The following PDZD2 variants were observed in gnomAD, a reference collection of about 807,000 sequenced individuals.
PDZD2 encodes PDZ domain-containing protein 2.
PDZD2 carries 90 observed loss-of-function variants against 220.7 expected under a neutral mutation model. That is an observed-to-expected ratio of 0.41 (90% CI 0.34 to 0.49). The LOEUF (loss-of-function observed/expected upper bound fraction) is 0.49, where lower values mean the gene tolerates loss of function less well. PDZD2 is among the 20% of genes least tolerant of loss of function. The probability of loss-of-function intolerance (pLI) is 0.28; values close to 1 mark genes in which losing one functional copy is unlikely to be tolerated. For missense variants in PDZD2, 3,174 were observed against 3,608.5 expected, an observed-to-expected ratio of 0.88 and a Z score of 3.08; for synonymous variants, 1,375 against 1,450.5, an observed-to-expected ratio of 0.95 and a Z score of 1.18.
At chr5:31,951,450 C>T (rs1332246089) in intron 2 of PDZD2, among the ~76,000 whole-genome samples, 1 of 152,160 alleles carries the variant, frequency 6.6e-6, no homozygotes, top group Non-Finnish European at 1.5e-5. Context: ...AAGGCTCGAC[C>T]TCTTAATACT....
chr5:31,799,016 C>T lies in PDZD2; in HGVS notation c.-233C>T, dbSNP rs1274039321. ...TTGTTAGACACTTCCTTCCTTCCCT[C>T]ATTGAGCACTCCAGTGCCATTGTTC... On this transcript the variant is annotated 5_prime_UTR_variant, in exon 2 of 25. Coordinates refer to ENST00000438447, the MANE Select transcript of PDZD2 (RefSeq NM_178140.4). 8 of 527,816 alleles carry T rather than the reference C, an allele frequency of 1.5e-5. No homozygotes were observed. Among genetic ancestry groups the T allele is most frequent in the Non-Finnish European group, 2.4e-5 (7 of 297,570 alleles). 32.7% of individuals were successfully genotyped at this position (527,816 alleles called of 1,614,324 possible).
At chr5:31,718,038 G>A (rs1444351471) in intron 1 of PDZD2, among the ~76,000 whole-genome samples, 2 of 152,164 alleles carry the variant, frequency 1.3e-5, no homozygotes, top group Non-Finnish European at 2.9e-5. Flanking sequence ...TGACAGTCCT[G>A]TCAGCTCCTC....
chr5:31,725,262 C>T (rs866338548), intron 1 of PDZD2, among the ~76,000 whole-genome samples: 2 of 148,282 alleles, frequency 1.3e-5, no homozygotes, highest in Non-Finnish European at 3.0e-5. Flanking sequence ...CACTTGAACC[C>T]GAGAGGCGGA....
At chr5:31,806,477 C>T (rs1754719705) in intron 2 of PDZD2, among the ~76,000 whole-genome samples, 1 of 152,118 alleles carries the variant, frequency 6.6e-6, no homozygotes, top group African/African-American at 2.4e-5. Context: ...CCTAGGAAGC[C>T]TTCATTCTTT....
intron 6 of PDZD2, among the ~76,000 whole-genome samples, chr5:32,023,563 A>G (rs557938808): frequency 3.3e-4 from 50 of 152,396 alleles, no homozygotes; most frequent in African/African-American, 1.2e-3. Flanking sequence ...TCATTTAAAA[A>G]TGAAATTTAA....
intron 3 of PDZD2, among the ~76,000 whole-genome samples, chr5:31,990,043 C>T (rs1463360038): frequency 1.3e-5 from 2 of 152,176 alleles, no homozygotes; most frequent in Admixed American, 6.5e-5. Context: ...CCAGCTCTGA[C>T]ATTATGCTCA....
At chr5:31,864,422 C>T (rs1205071805) in intron 2 of PDZD2, among the ~76,000 whole-genome samples, 1 of 152,194 alleles carries the variant, frequency 6.6e-6, no homozygotes, top group African/African-American at 2.4e-5. Context: ...TGGACTCTGA[C>T]TGATAGTCTA....
At chr5:32,100,787 TG>T in intron 23 of PDZD2, 3 of 828,672 alleles carry the variant, frequency 3.6e-6, no homozygotes, top group South Asian at 1.4e-5. Context: ...ACAGCCGGTG[TG>T]GGGGGCTTAA....
chr5:31,670,090 CT>C (rs1746157335), intron 1 of PDZD2, among the ~76,000 whole-genome samples: 1 of 152,180 alleles, frequency 6.6e-6, no homozygotes, highest in South Asian at 2.1e-4. Flanking sequence ...AGAGCGGGCA[CT>C]CCTAACTGCT....
intron 1 of PDZD2, among the ~76,000 whole-genome samples, chr5:31,669,233 C>T (rs945206039): frequency 1.3e-5 from 2 of 152,094 alleles, no homozygotes; most frequent in African/African-American, 4.8e-5. Flanking sequence ...AAGACCACCT[C>T]TACAAAAAAA....
chr5:31,781,761 A>C (rs1753074072), intron 1 of PDZD2, among the ~76,000 whole-genome samples: 2 of 152,150 alleles, frequency 1.3e-5, no homozygotes, highest in Non-Finnish European at 2.9e-5. Context: ...ATCTTCTTTC[A>C]TCCTTATAAC....
At chr5:32,008,439 A>G (rs1399888204) in intron 5 of PDZD2, among the ~76,000 whole-genome samples, 1 of 151,532 alleles carries the variant, frequency 6.6e-6, no homozygotes, top group Non-Finnish European at 1.5e-5. Flanking sequence ...CGCCCACCAC[A>G]CCTGGCTAAT....
intron 2 of PDZD2, among the ~76,000 whole-genome samples, chr5:31,850,202 A>G: frequency 7.8e-6 from 1 of 127,410 alleles, no homozygotes; most frequent in Admixed American, 8.8e-5. Flanking sequence ...ATGTATATAT[A>G]AGTATATATG....
chr5:32,025,591 CTTT>C (rs70957998), intron 6 of PDZD2, among the ~76,000 whole-genome samples: 42 of 67,514 alleles, frequency 6.2e-4, no homozygotes, highest in Admixed American at 1.5e-3. Context: ...AACCATGATG[CTTT>C]TTTTTTTTTT....
intron 2 of PDZD2, among the ~76,000 whole-genome samples, chr5:31,828,222 T>C (rs1756348970): frequency 6.6e-6 from 1 of 152,236 alleles, no homozygotes; most frequent in African/African-American, 2.4e-5. Context: ...ATGGAATTGA[T>C]GATGATATAG....
At chr5:31,983,074 G>A (rs1561258929) in intron 2 of PDZD2, 81 bp from the exon 3 acceptor site, 1 of 1,446,960 alleles carries the variant, frequency 6.9e-7, no homozygotes, top group Non-Finnish European at 9.3e-7. Context: ...TCACTTGGGT[G>A]GACCCTTGAA....
At chr5:32,072,345 G>T in intron 17 of PDZD2, 28 bp downstream of exon 17, 1 of 1,577,382 alleles carries the variant, frequency 6.3e-7, no homozygotes, top group Non-Finnish European at 8.6e-7. Flanking sequence ...AGAGGGCCTG[G>T]GCTCTGCATT....
intron 2 of PDZD2, among the ~76,000 whole-genome samples, chr5:31,845,156 C>T (rs559426652): frequency 2.6e-5 from 4 of 152,212 alleles, no homozygotes; most frequent in South Asian, 4.1e-4. Context: ...AATGTCCCTG[C>T]GGGGATAGGG....
chr5:31,918,473 G>T (rs1247560741), intron 2 of PDZD2, among the ~76,000 whole-genome samples: 1 of 152,218 alleles, frequency 6.6e-6, no homozygotes, highest in East Asian at 1.9e-4. Context: ...GGGCATTTCA[G>T]AATTCTCCTT....
Sources: allele counts gnomAD v4.1 joint callset (sites outside exome capture counted in the v4.1 genomes callset), GRCh38; gene constraint gnomAD v4.1.1; transcripts MANE v1.5; gene names NCBI Gene and HGNC (gene_info 2026-07-23, HGNC 2026-07-21).